The following ANKFY1 variants were observed in gnomAD, a reference collection of about 807,000 sequenced individuals.
ANKFY1 encodes the protein ankyrin repeat and FYVE domain-containing protein 1.
In ANKFY1, 47 loss-of-function variants were observed where a neutral mutation model predicts 128.3. The ratio of observed to expected loss-of-function variants is 0.37; its 90% CI spans 0.29 to 0.47. The LOEUF is 0.47. ANKFY1 is among the 20% of genes least tolerant of loss of function. ANKFY1 has a pLI of 1.00. For synonymous variants in ANKFY1, 553 were observed against 601.6 expected, an observed-to-expected ratio of 0.92 and a Z score of 1.18; for missense variants, 1,222 against 1,510.6, an observed-to-expected ratio of 0.81 and a Z score of 3.17.
At chr17:4,250,907 T>C (rs999172022) in intron 1 of ANKFY1, among the ~76,000 whole-genome samples, 1 of 152,084 alleles carries the variant, frequency 6.6e-6, no homozygotes. Context: ...ACTGCTGGGA[T>C]TACATGCATG....
chr17:4,182,843 T>C (rs2059539515), intron 14 of ANKFY1, among the ~76,000 whole-genome samples: 1 of 152,144 alleles, frequency 6.6e-6, no homozygotes, highest in Non-Finnish European at 1.5e-5. Context: ...CAGTGGCTCA[T>C]GACTGTAATC....
intron 22 of ANKFY1, 67 bp from the exon 23 acceptor site, chr17:4,170,928 G>GC (rs1257284048): frequency 3.1e-6 from 5 of 1,606,898 alleles, no homozygotes; most frequent in Non-Finnish European, 3.4e-6. Context: ...CAGACGGAGG[G>GC]CGGAGGACAG....
At chr17:4,187,815 T>C (rs2059639328) in intron 11 of ANKFY1, 1 of 152,274 alleles carries the variant, frequency 6.6e-6, no homozygotes, top group African/African-American at 2.4e-5. Context: ...TTACAGGCAC[T>C]GGCCACCTCG....
rs77595771 is a variant in ANKFY1, at chr17:4,197,234, G to T, written c.1103+139C>A. ...AGTAGTGACACTACTACTACACATC[G>T]ATGTCTGTGACTTTAATGAAAATAA... On this transcript the variant is annotated intron_variant, in intron 8 of 24. Transcript: ENST00000341657. 4.7e-3 allele frequency: 4,015 copies of T among 846,110 alleles called. 103 individuals carry two copies. The African/African-American group carries it at 0.061, about 13-fold the overall frequency. 52.4% of individuals were successfully genotyped at this position (846,110 alleles called of 1,614,324 possible).
chr17:4,218,282 T>A (rs1390188734), intron 3 of ANKFY1, among the ~76,000 whole-genome samples: 2 of 152,210 alleles, frequency 1.3e-5, no homozygotes, highest in South Asian at 2.1e-4. Context: ...CACAATATTA[T>A]TAATGAAGAA....
intron 1 of ANKFY1, among the ~76,000 whole-genome samples, chr17:4,243,932 ATTTTTT>A (rs113664000): frequency 6.9e-6 from 1 of 144,482 alleles, no homozygotes. Context: ...AAGATAAACA[ATTTTTT>A]TTTTTTTTTT....
intron 1 of ANKFY1, among the ~76,000 whole-genome samples, chr17:4,252,474 T>C (rs1008580010): frequency 6.6e-6 from 1 of 151,900 alleles, no homozygotes; most frequent in African/African-American, 2.4e-5. Context: ...GAGGCTGAGA[T>C]GGAAGGACTG....
In ANKFY1 at chr17:4,195,133, C is replaced by A. The variant is rs2059794011; in HGVS notation, c.1217G>T (p.Trp406Leu). 2.5e-6 allele frequency: 4 copies of A among 1,613,614 alleles called. No individual in the cohort carries two copies. Among genetic ancestry groups the A allele is most frequent in the Non-Finnish European group, 1.7e-6 (2 of 1,179,690 alleles). ...CACTGTGATATGCTGCACTGCCAGC[C>A]ACAGAGCCGTGCTGCCCTCGTGGTC... Reference protein sequence around the residue: ...LKDHEGSTALWLAVQHITVSS... With the variant: ...LKDHEGSTALLLAVQHITVSS... Residue 406 changes from tryptophan to leucine, a missense_variant, in exon 10 of 25, where the codon TGG (tryptophan) becomes TTG (leucine). By Grantham distance (61) the Trp-to-Leu change is moderately conservative. Coordinates refer to ENST00000341657, the MANE Select transcript of ANKFY1 (RefSeq NM_001330063.2).
intron 21 of ANKFY1, 141 bp from the exon 22 acceptor site, chr17:4,172,821 T>C: frequency 8.0e-7 from 1 of 1,253,518 alleles, no homozygotes; most frequent in Non-Finnish European, 1.1e-6. Context: ...TTTTTCTTAT[T>C]TTGTATTTTA....
intron 17 of ANKFY1, chr17:4,179,394 G>A (rs1272407609): frequency 9.7e-6 from 5 of 516,100 alleles, no homozygotes; most frequent in East Asian, 6.8e-5. Context: ...ATCAAAGGGC[G>A]TAACTCAGGG....
intron 3 of ANKFY1, among the ~76,000 whole-genome samples, chr17:4,225,005 T>A (rs1267765998): frequency 1.3e-5 from 2 of 151,392 alleles, no homozygotes; most frequent in African/African-American, 4.9e-5. Context: ...GGCTTAAGTA[T>A]AAACTTGTTT....
At chr17:4,229,872 G>A (rs1255356138) in intron 3 of ANKFY1, among the ~76,000 whole-genome samples, 1 of 152,206 alleles carries the variant, frequency 6.6e-6, no homozygotes, top group Non-Finnish European at 1.5e-5. Context: ...GTCACATGCT[G>A]CCACTTCTAC....
At chr17:4,237,207 C>T (rs1006217351) in intron 2 of ANKFY1, among the ~76,000 whole-genome samples, 13 of 152,278 alleles carry the variant, frequency 8.5e-5, no homozygotes, top group Admixed American at 5.2e-4. Flanking sequence ...TTCTACGCTA[C>T]AAGAGTATTG....
intron 3 of ANKFY1, among the ~76,000 whole-genome samples, chr17:4,217,529 A>T (rs1453365448): frequency 6.6e-6 from 1 of 152,176 alleles, no homozygotes; most frequent in East Asian, 1.9e-4. Context: ...CCTGGGTGAC[A>T]GAGGGAGACT....
chr17:4,196,144 TAC>T (rs35005172), intron 8 of ANKFY1, among the ~76,000 whole-genome samples: 3,398 of 83,752 alleles, frequency 0.041, 60 homozygotes, highest in African/African-American at 0.048. Context: ...CTGCATCTAC[TAC>T]ACACACACAC....
At chr17:4,184,172 T>C (rs1567919519) in intron 12 of ANKFY1, among the ~76,000 whole-genome samples, 2 of 152,202 alleles carry the variant, frequency 1.3e-5, no homozygotes, top group African/African-American at 4.8e-5. Flanking sequence ...GGAAACACGC[T>C]TGATTACTAA....
At chr17:4,263,889 A>G (rs534326658) in intron 1 of ANKFY1, 43 bp downstream of exon 1, 1 of 1,613,432 alleles carries the variant, frequency 6.2e-7, no homozygotes, top group South Asian at 1.1e-5. Context: ...CAGCGCCCCC[A>G]CAGCTCCGTG....
intron 3 of ANKFY1, chr17:4,223,789 G>A (rs1420173286): frequency 7.3e-6 from 11 of 1,512,046 alleles, no homozygotes; most frequent in African/African-American, 2.7e-5. Flanking sequence ...AGCTGGTACA[G>A]TGTCTCACAG....
At chr17:4,255,811 ACTTTT>A (rs1023980190) in intron 1 of ANKFY1, among the ~76,000 whole-genome samples, 6 of 148,910 alleles carry the variant, frequency 4.0e-5, no homozygotes, top group East Asian at 2.0e-4. Flanking sequence ...CACCACTACT[ACTTTT>A]CTTTTTTTTT....
Sources: allele counts gnomAD v4.1 joint callset (sites outside exome capture counted in the v4.1 genomes callset), GRCh38; gene constraint gnomAD v4.1.1; transcripts MANE v1.5; gene names NCBI Gene and HGNC (gene_info 2026-07-23, HGNC 2026-07-21).